EMILIN2: variants seen among roughly 807,000 people sequenced by gnomAD.
EMILIN2 encodes the protein elastin microfibril interfacer 2.
EMILIN2 carries 71 observed loss-of-function variants against 87.1 expected under a neutral mutation model. The observed-to-expected ratio is 0.82, with a 90% CI of 0.67 to 0.99. The LOEUF (loss-of-function observed/expected upper bound fraction) is 0.99. Among genes scored for constraint, EMILIN2 ranks in the 50% least tolerant of loss-of-function variants. EMILIN2 has a pLI of 0.00. For missense variants in EMILIN2, 1,407 were observed against 1,371.8 expected, an observed-to-expected ratio of 1.03 and a Z score of -0.40; for synonymous variants, 581 against 563.4, an observed-to-expected ratio of 1.03 and a Z score of -0.44.
In EMILIN2 at chr18:2,914,135, CTG is replaced by C. The variant is rs1352705885; in HGVS notation, c.*732_*733del. ...TCGGGAGTTGTTGCTAAAAAGCAAA[CTG>C]AAGAAATGTTTTGTTTCAAAAAGGG... On this transcript the variant is annotated 3_prime_UTR_variant, in exon 8 of 8. Transcript: ENST00000254528. The C allele has an allele frequency of 6.6e-6, 1 of 152,610 alleles. No individual in the cohort carries two copies. Among genetic ancestry groups the C allele is most frequent in the Non-Finnish European group, 1.5e-5 (1 of 68,024 alleles). The allele number at this position is 152,610 out of a possible 1,614,324, so 9.5% of individuals were successfully genotyped here.
At chr18:2,887,504 C>CAT (rs10636279) in intron 3 of EMILIN2, among the ~76,000 whole-genome samples, 117,163 of 151,760 alleles carry the variant, frequency 0.77, 45,929 homozygotes, top group Non-Finnish European at 0.81. Context: ...TGTTAGTACA[C>CAT]GAGAGCTGGT....
At chr18:2,871,540 T>G (rs1281780591) in intron 2 of EMILIN2, among the ~76,000 whole-genome samples, 1 of 152,180 alleles carries the variant, frequency 6.6e-6, no homozygotes, top group Non-Finnish European at 1.5e-5. Context: ...GTGGAGGGTG[T>G]GAGCATTGGG....
chr18:2,913,553 T>G lies in EMILIN2; in HGVS notation c.*149T>G. 1.6e-6 allele frequency: 1 copy of G among 631,866 alleles called. No homozygotes were observed. Among genetic ancestry groups the G allele is most frequent in the East Asian group, 2.9e-5 (1 of 35,062 alleles). The allele number at this position is 631,866 out of a possible 1,614,324, so 39.1% of individuals were successfully genotyped here. On this transcript the variant is annotated 3_prime_UTR_variant, in exon 8 of 8. Coordinates refer to ENST00000254528, the MANE Select transcript of EMILIN2 (RefSeq NM_032048.3). ...CCTTCCCTCGCTGTTGAGGCCACCA[T>G]GCCTTACTGCATCCAGCCAGGCTGC...
intron 4 of EMILIN2, among the ~76,000 whole-genome samples, chr18:2,901,946 C>T (rs538926993): frequency 1.3e-5 from 2 of 152,302 alleles, no homozygotes; most frequent in East Asian, 3.9e-4. Context: ...AGCCTTCAGC[C>T]ATCCACGGCA....
chr18:2,900,496 G>A (rs1366823723), intron 4 of EMILIN2, among the ~76,000 whole-genome samples: 1 of 152,220 alleles, frequency 6.6e-6, no homozygotes, highest in Admixed American at 6.5e-5. Flanking sequence ...CTCAAAAGCA[G>A]TGTTGAGATG....
chr18:2,853,312 C>CT (rs1422525056), intron 2 of EMILIN2, among the ~76,000 whole-genome samples: 5 of 152,300 alleles, frequency 3.3e-5, no homozygotes, highest in African/African-American at 1.2e-4. Context: ...TGCCACCCCC[C>CT]CAGCCCTTGG....
intron 4 of EMILIN2, chr18:2,906,194 T>G (rs1293723016): frequency 6.6e-6 from 1 of 152,178 alleles, no homozygotes; most frequent in African/African-American, 2.4e-5. Flanking sequence ...GGCGGCAGCT[T>G]CCGGCGCCTT....
Position 2,848,000 on chromosome 18 carries a change from C to T in EMILIN2, c.257+69C>T, listed in dbSNP as rs2076584819. ...GGGCGGTGGGGGTGGGGTGGGGTTG[C>T]TGCGCTGGGCTCCAGTCCCTCCGGT... On this transcript the variant is annotated intron_variant, in intron 2 of 7. Coordinates refer to ENST00000254528, the MANE Select transcript of EMILIN2 (RefSeq NM_032048.3). The surrounding 1 kb of genome is among the most constrained non-coding windows in gnomAD (Gnocchi z 4.5). 1.4e-6 allele frequency: 2 copies of T among 1,471,944 alleles called. No individual in the cohort carries two copies. Among genetic ancestry groups the T allele is most frequent in the Non-Finnish European group, 1.8e-6 (2 of 1,106,224 alleles). 91.2% of individuals were successfully genotyped at this position (1,471,944 alleles called of 1,614,324 possible). A position where few individuals can be genotyped will look rare whatever the true frequency, so the allele number is the denominator to read the frequency against.
intron 2 of EMILIN2, among the ~76,000 whole-genome samples, chr18:2,861,053 TCATATCCTTTGCCA>T (rs1670784640): frequency 6.6e-6 from 1 of 152,266 alleles, no homozygotes; most frequent in African/African-American, 2.4e-5. Context: ...AAGGGTCTGT[TCATATCCTTTGCCA>T]CTTTTTGATG....
At position 2,891,364 on chromosome 18, in the gene EMILIN2, G is replaced by A. The variant is rs749295130; in HGVS notation, c.1237G>A (p.Asp413Asn). 4 of 1,614,076 alleles carry A rather than the reference G, an allele frequency of 2.5e-6. No homozygotes were observed. In the South Asian group the frequency reaches 4.4e-5, roughly 18 times the overall value. ...CATTGGTCAACAGATCAAGACATTGGACCAGAAAATCGAGAGAGTTGCTGA... is the reference window on the plus strand; with the variant it reads ...CATTGGTCAACAGATCAAGACATTGAACCAGAAAATCGAGAGAGTTGCTGA... ...GDIGQQIKTL[D>N]QKIERVAEAT... The change falls in exon 4 of 8, where the codon GAC becomes AAC. Residue 413 changes from aspartate to asparagine, a missense_variant. Asp to Asn is a conservative substitution (Grantham distance 23). Coordinates refer to ENST00000254528, the MANE Select transcript of EMILIN2 (RefSeq NM_032048.3). The surrounding 1 kb of genome is among the most constrained non-coding windows in gnomAD (Gnocchi z 4.6).
At chr18:2,901,259 C>T (rs986170207) in intron 4 of EMILIN2, among the ~76,000 whole-genome samples, 5 of 152,354 alleles carry the variant, frequency 3.3e-5, no homozygotes, top group African/African-American at 1.2e-4. Context: ...AGGGCCAACC[C>T]TTTCCCCAGG....
chr18:2,876,126 C>T (rs994062309), intron 2 of EMILIN2, among the ~76,000 whole-genome samples: 6 of 151,692 alleles, frequency 4.0e-5, no homozygotes, highest in African/African-American at 9.7e-5. Context: ...AGACAACAGG[C>T]GCGTGCCACC....
At position 2,889,795 on chromosome 18, in the gene EMILIN2, T is replaced by C. The variant is rs59590313; in HGVS notation, c.434-766T>C. On this transcript the variant is annotated intron_variant, in intron 3 of 7. Transcript: ENST00000254528. ...GCCATCTTCCTGCCTCCCTAGTAAC[T>C]GAGACTACAGGCACACACCACCTCC... Among the ~76,000 whole-genome samples the C allele has an allele frequency of 4.1e-3, 612 of 150,602 alleles. 3 individuals are homozygous for C. Among genetic ancestry groups the C allele is most frequent in the African/African-American group, 0.014 (587 of 41,020 alleles).
chr18:2,889,500 C>A (rs2076822277), intron 3 of EMILIN2, among the ~76,000 whole-genome samples: 1 of 152,020 alleles, frequency 6.6e-6, no homozygotes, highest in African/African-American at 2.4e-5. Context: ...CCTATTGCTG[C>A]AGGTTTCAAT....
intron 2 of EMILIN2, among the ~76,000 whole-genome samples, chr18:2,853,280 G>T (rs1487950525): frequency 6.6e-6 from 1 of 152,158 alleles, no homozygotes; most frequent in Non-Finnish European, 1.5e-5. Context: ...ACCCTTGGCA[G>T]CTTGAACAGT....
In EMILIN2 at chr18:2,913,243, A is replaced by G. The variant is rs1208748966; in HGVS notation, c.3001A>G (p.Thr1001Ala). The change falls in exon 8 of 8, where the codon ACC becomes GCC. Residue 1001 changes from threonine (T) to alanine (A), a missense_variant. By Grantham distance (58) the Thr-to-Ala change is moderately conservative. Transcript: ENST00000254528. The part of the protein sequence containing the change: ...EYHRPPGALH[T>A]CGGPGAFHLI... ...CCACCGCCCTCCAGGAGCTTTGCATACCTGCGGGGGCCCGGGGGCATTCCA... is the reference window on the plus strand; with the variant it reads ...CCACCGCCCTCCAGGAGCTTTGCATGCCTGCGGGGGCCCGGGGGCATTCCA... 1 of 1,613,936 alleles carries G rather than the reference A, an allele frequency of 6.2e-7. No homozygotes were observed. The highest frequency in any genetic ancestry group is 1.3e-5 in the African/African-American group (1 of 75,014).
chr18:2,890,823 C>A lies in EMILIN2; in HGVS notation c.696C>A (p.His232Gln), dbSNP rs1434565349. 6.2e-7 allele frequency: 1 copy of A among 1,613,718 alleles called. No homozygotes were observed. Among genetic ancestry groups the A allele is most frequent in the Admixed American group, 1.7e-5 (1 of 60,006 alleles). Residue 232 changes from histidine (H) to glutamine (Q), a missense_variant, in exon 4 of 8, where the codon CAC becomes CAA. Physicochemically the swap from His to Gln is conservative, Grantham distance 24 (BLOSUM62 0). Coordinates refer to ENST00000254528, the MANE Select transcript of EMILIN2 (RefSeq NM_032048.3). The surrounding 1 kb of genome is among the most constrained non-coding windows in gnomAD (Gnocchi z 4.7). The stretch of plus-strand genomic sequence containing the variant: ...GGGCACCAGGGCTCAGCAGCCAGCA[C>A]CCCAAGCCTGACACCACTGTTAGTG... ...RTRAPGLSSQHPKPDTTVSGD... is the reference protein window; with the variant it reads ...RTRAPGLSSQQPKPDTTVSGD...
intron 2 of EMILIN2, among the ~76,000 whole-genome samples, chr18:2,883,571 T>C (rs942053851): frequency 2.0e-5 from 3 of 152,228 alleles, no homozygotes; most frequent in African/African-American, 4.8e-5. Flanking sequence ...TTGCCTGTGC[T>C]GTGAGCAGGG....
At position 2,892,105 on chromosome 18, in the gene EMILIN2, C is replaced by T. The variant is rs1397764952; in HGVS notation, c.1978C>T (p.Gln660Ter). Reference sequence around the variant, plus strand: ...GACAGTGGACACCCTGCCGTCCCCCCAGCACCCCGTGGCTCATTGCTGCAG... The same window carrying T: ...GACAGTGGACACCCTGCCGTCCCCCTAGCACCCCGTGGCTCATTGCTGCAG... ...ERTVDTLPSP[Q>*]HPVAHCCSQL... Residue 660 changes from glutamine (Q) to a stop codon, truncating the protein, a stop_gained, in exon 4 of 8, where the codon CAG becomes TAG. Transcript: ENST00000254528. LOFTEE classifies it high-confidence loss of function. 1 of 1,613,338 alleles carries T rather than the reference C, an allele frequency of 6.2e-7. No homozygotes were observed. The highest frequency in any genetic ancestry group is 2.2e-5 in the East Asian group (1 of 44,878).
Sources: gnomAD v4.1 joint callset for allele counts (sites outside exome capture counted in the v4.1 genomes callset) on GRCh38, gnomAD v4.1.1 for gene constraint, Gnocchi (gnomAD v3.1) non-coding constraint, MANE v1.5 for transcripts, NCBI Gene and HGNC (gene_info 2026-07-23, HGNC 2026-07-21) for gene names.